The following TRAK2 variants were observed in gnomAD, a reference collection of about 807,000 sequenced individuals.
TRAK2 encodes the protein trafficking kinesin protein 2.
A neutral mutation model predicts 104.6 loss-of-function variants in TRAK2; 81 were observed. The ratio of observed to expected loss-of-function variants is 0.77; its 90% CI spans 0.65 to 0.93. The LOEUF (loss-of-function observed/expected upper bound fraction) is 0.93. Among genes scored for constraint, TRAK2 ranks in the 40% least tolerant of loss-of-function variants. TRAK2 has a pLI of 0.00. For synonymous variants in TRAK2, 406 were observed against 394.4 expected (o/e 1.03, Z -0.35); for missense variants, 1,002 against 1,089.0 (o/e 0.92, Z 1.12).
chr2:201,422,772 G>A (rs913767674), intron 1 of TRAK2, among the ~76,000 whole-genome samples: 3 of 152,062 alleles, frequency 2.0e-5, no homozygotes, highest in Admixed American at 6.6e-5. Context: ...AAGCTGCAAG[G>A]TGTCGGTAAG....
At position 201,389,882 on chromosome 2, in the gene TRAK2, T is replaced by A; in HGVS notation, c.1114-2A>T. The A allele has an allele frequency of 6.2e-7, 1 of 1,611,754 alleles. No homozygotes were observed. Among genetic ancestry groups the A allele is most frequent in the South Asian group, 1.1e-5 (1 of 90,710 alleles). On this transcript the variant is annotated splice_acceptor_variant, in intron 10 of 15. Coordinates refer to ENST00000332624, the MANE Select transcript of TRAK2 (RefSeq NM_015049.3). LOFTEE classifies it high-confidence loss of function. ...CTCAATCTCAGCTGCCAAAGATTCC[T>A]AAGAAAAAGAGTTTGAGATTTCTAA...
At chr2:201,392,451 A>G (rs1951456891) in intron 10 of TRAK2, among the ~76,000 whole-genome samples, 1 of 152,186 alleles carries the variant, frequency 6.6e-6, no homozygotes, top group Non-Finnish European at 1.5e-5. Context: ...ATTTTTTAAT[A>G]CAAAAATACC....
intron 3 of TRAK2, among the ~76,000 whole-genome samples, chr2:201,407,000 G>A (rs988067747): frequency 5.9e-5 from 9 of 152,144 alleles, no homozygotes; most frequent in African/African-American, 2.2e-4. Context: ...TAATTCTTGT[G>A]ACTGTGTTTA....
At chr2:201,442,923 C>A (rs2125663436) in intron 1 of TRAK2, among the ~76,000 whole-genome samples, 1 of 152,222 alleles carries the variant, frequency 6.6e-6, no homozygotes, top group Non-Finnish European at 1.5e-5. Flanking sequence ...ATTTTTCTAC[C>A]ATGTGTATAT....
intron 1 of TRAK2, among the ~76,000 whole-genome samples, chr2:201,450,155 G>A (rs966026673): frequency 6.6e-6 from 1 of 151,872 alleles, no homozygotes; most frequent in Non-Finnish European, 1.5e-5. Context: ...GGCGGCTCAC[G>A]TCTGTAATCC....
At chr2:201,386,702 G>C (rs954696984) in intron 13 of TRAK2, among the ~76,000 whole-genome samples, 2 of 152,086 alleles carry the variant, frequency 1.3e-5, no homozygotes, top group Non-Finnish European at 2.9e-5. Context: ...AGTTAAGGAG[G>C]ACACCTAAAG....
intron 1 of TRAK2, among the ~76,000 whole-genome samples, chr2:201,435,164 C>T (rs1951872276): frequency 6.6e-6 from 1 of 152,138 alleles, no homozygotes; most frequent in South Asian, 2.1e-4. Context: ...TCAAGCGATC[C>T]TCCCACCTCA....
Position 201,410,931 on chromosome 2 carries a change from A to G in TRAK2, c.92-3334T>C, listed in dbSNP as rs768572333. ...TTCCAGAGTCATTTTGGTCACTCCA[A>G]CTGTGCTTGGACTACTGTAGAAGTT... On this transcript the variant is annotated intron_variant, in intron 2 of 15. Coordinates refer to ENST00000332624, the MANE Select transcript of TRAK2 (RefSeq NM_015049.3). The G allele has an allele frequency of 3.7e-5, 58 of 1,576,842 alleles. 1 individual carries two copies. The highest frequency in any genetic ancestry group is 4.8e-5 in the Non-Finnish European group (55 of 1,147,464).
At chr2:201,419,384 C>T (rs1482897268) in intron 2 of TRAK2, 1 of 154,724 alleles carries the variant, frequency 6.5e-6, no homozygotes, top group Admixed American at 6.5e-5. Flanking sequence ...TAAGTTCCAG[C>T]TTAGCAATAA....
At chr2:201,410,494 A>C (rs1951636003) in intron 2 of TRAK2, 1 of 813,420 alleles carries the variant, frequency 1.2e-6, no homozygotes, top group Non-Finnish European at 2.0e-6. Flanking sequence ...TAAAGATGTA[A>C]ATCAGCTCAC....
intron 1 of TRAK2, among the ~76,000 whole-genome samples, chr2:201,422,529 T>C (rs1000209473): frequency 2.0e-5 from 3 of 151,916 alleles, no homozygotes; most frequent in Non-Finnish European, 2.9e-5. Flanking sequence ...CCTCAAGAAG[T>C]AGAAAGGAAC....
At position 201,379,515 on chromosome 2, in the gene TRAK2, C is replaced by T. The variant is rs1951318729; in HGVS notation, c.*1028G>A. ...TGAGAATTTTTGTGCAAATACATGT[C>T]ATCTTTCATTAAAAATATGCATAGC... On this transcript the variant is annotated 3_prime_UTR_variant, in exon 16 of 16. Coordinates refer to ENST00000332624, the MANE Select transcript of TRAK2 (RefSeq NM_015049.3). 1 of 152,522 alleles carries T rather than the reference C, an allele frequency of 6.6e-6. No individual in the cohort carries two copies. Among genetic ancestry groups the T allele is most frequent in the Non-Finnish European group, 1.5e-5 (1 of 68,006 alleles). The allele number at this position is 152,522 out of a possible 1,614,324, so 9.4% of individuals were successfully genotyped here.
At chr2:201,420,153 G>T (rs551106197) in intron 2 of TRAK2, among the ~76,000 whole-genome samples, 4 of 152,168 alleles carry the variant, frequency 2.6e-5, no homozygotes, top group African/African-American at 2.4e-5. Context: ...GTGGAGATCA[G>T]ATGGATATGA....
chr2:201,435,169 A>G (rs1332557271), intron 1 of TRAK2, among the ~76,000 whole-genome samples: 1 of 151,960 alleles, frequency 6.6e-6, no homozygotes, highest in Non-Finnish European at 1.5e-5. Flanking sequence ...CGATCCTCCC[A>G]CCTCAGCCTC....
chr2:201,393,265 C>T (rs540556609), intron 9 of TRAK2, among the ~76,000 whole-genome samples: 6 of 152,202 alleles, frequency 3.9e-5, no homozygotes, highest in African/African-American at 1.4e-4. Flanking sequence ...CAAAATTATA[C>T]ACGGATGTGA....
chr2:201,411,229 G>A, intron 2 of TRAK2: 1 of 719,610 alleles, frequency 1.4e-6, no homozygotes, highest in African/African-American at 1.8e-5. Context: ...TGGGGTTTAA[G>A]AGGCTGCTGG....
rs1951317371 is a variant in TRAK2 at position 201,379,391 on chromosome 2, G to A, written c.*1152C>T. 1 of 152,474 alleles carries A rather than the reference G, an allele frequency of 6.6e-6. No individual in the cohort carries two copies. The highest frequency in any genetic ancestry group is 1.5e-5 in the Non-Finnish European group (1 of 68,018). 9.4% of individuals were successfully genotyped at this position (152,474 alleles called of 1,614,324 possible). ...TCTCTAATTCTATAAATATCAAGAAGGCAGATGTGTTTTATTTTATTTTAC... is the reference window on the plus strand; with the variant it reads ...TCTCTAATTCTATAAATATCAAGAAAGCAGATGTGTTTTATTTTATTTTAC... On this transcript the variant is annotated 3_prime_UTR_variant, in exon 16 of 16. Transcript: ENST00000332624.
At position 201,442,084 on chromosome 2, in the gene TRAK2, T is replaced by A. The variant is rs921030710; in HGVS notation, c.-200+9266A>T. On this transcript the variant is annotated intron_variant, in intron 1 of 15. Transcript: ENST00000332624. ...CCCAAAGAGAGGTAGGTGCCTATAG[T>A]GGAAAGCGATACGAGCAGAGAGCAA... 3.3e-5 allele frequency among the ~76,000 whole-genome samples: 5 copies of A among 150,880 alleles called. No homozygotes were observed. In the South Asian group the frequency reaches 6.3e-4, roughly 19 times the overall value.
In TRAK2 at chr2:201,382,918, T is replaced by C. The variant is rs112232390; in HGVS notation, c.2069+1193A>G. On this transcript the variant is annotated intron_variant, in intron 15 of 15. Transcript: ENST00000332624. ...TATTTTTTTTACCCATTTTATATCC[T>C]TACTCTTGATTCCCCTTTGCAACAT... Among the ~76,000 whole-genome samples, 493 of 152,344 alleles carry C rather than the reference T, an allele frequency of 3.2e-3. 4 individuals are homozygous for C. Among genetic ancestry groups the C allele is most frequent in the African/African-American group, 0.011 (462 of 41,566 alleles).
Sources: gnomAD v4.1 joint callset for allele counts (sites outside exome capture counted in the v4.1 genomes callset) on GRCh38, gnomAD v4.1.1 for gene constraint, MANE v1.5 for transcripts, NCBI Gene and HGNC (gene_info 2026-07-23, HGNC 2026-07-21) for gene names.